STX2: variants seen among roughly 807,000 people sequenced by gnomAD.
STX2 encodes the protein syntaxin-2.
In STX2, 27 loss-of-function variants were observed where a neutral mutation model predicts 40.6. The observed-to-expected ratio is 0.66, with a 90% CI of 0.49 to 0.92. The LOEUF (loss-of-function observed/expected upper bound fraction) is 0.92. STX2 is among the 40% of genes least tolerant of loss of function. The pLI is 0.00. For synonymous variants in STX2, 123 were observed against 119.1 expected (o/e 1.03, Z -0.22); for missense variants, 328 against 366.1 (o/e 0.90, Z 0.85).
At chr12:130,818,218 A>ATATATATATATATAT (rs1565924788) in intron 3 of STX2, among the ~76,000 whole-genome samples, 45 of 126,804 alleles carry the variant, frequency 3.5e-4, no homozygotes, top group African/African-American at 5.6e-4. Context: ...ATATATATAT[A>ATATATATATATATAT]AAATTATCTG....
At chr12:130,827,330 G>T in intron 1 of STX2, 63 bp from the exon 2 acceptor site, 1 of 1,343,922 alleles carries the variant, frequency 7.4e-7, no homozygotes, top group Non-Finnish European at 1.1e-6. Context: ...ATAGCGAACT[G>T]AAATACAAAA....
At position 130,801,450 on chromosome 12, in the gene STX2, G is replaced by A. The variant is rs781562045; in HGVS notation, c.502C>T (p.Leu168=). 2 of 1,611,206 alleles carry A rather than the reference G, an allele frequency of 1.2e-6. No individual in the cohort carries two copies. The highest frequency in any genetic ancestry group is 1.1e-5 in the South Asian group (1 of 90,550). Residue 168 remains leucine (L), a synonymous_variant, in exon 7 of 11, where the codon CTG becomes TTG. Transcript: ENST00000392373. The part of the protein sequence containing the change: ...TTTDDELEEM[L]ESGKPSIFTS... ...AAGATGGATGGCTTCCCGCTCTCCA[G>A]CATCTCTTCTAGCTCGTCGTCTGTG...
At chr12:130,825,376 G>A (rs1026403208) in intron 2 of STX2, among the ~76,000 whole-genome samples, 6 of 152,178 alleles carry the variant, frequency 3.9e-5, no homozygotes, top group African/African-American at 1.4e-4. Context: ...ACACTTAATG[G>A]CAGGAGATTC....
intron 3 of STX2, among the ~76,000 whole-genome samples, chr12:130,818,185 A>AAAAAAATATATATATATATAT: frequency 5.7e-5 from 4 of 70,538 alleles, no homozygotes; most frequent in South Asian, 3.7e-4. Context: ...AAAAAAAAAA[A>AAAAAAATATATATATATATAT]ATATATATAT....
At chr12:130,821,814 G>C (rs766204345) in intron 2 of STX2, 26 bp from the exon 3 acceptor site, 1 of 1,498,440 alleles carries the variant, frequency 6.7e-7, no homozygotes, top group Admixed American at 1.7e-5. Flanking sequence ...AGTCATTACA[G>C]CATGGCAAAC....
At position 130,791,677 on chromosome 12, in the gene STX2, C is replaced by A; in HGVS notation, c.*346G>T. The stretch of plus-strand genomic sequence containing the variant: ...AGAGAAGTCTCACACTGCTCACATT[C>A]TGTAGTGTGTCATTCAGGGTCACGC... On this transcript the variant is annotated 3_prime_UTR_variant, in exon 11 of 11. Transcript: ENST00000392373. 1 of 475,336 alleles carries A rather than the reference C, an allele frequency of 2.1e-6. No homozygotes were observed. The highest frequency in any genetic ancestry group is 3.7e-6 in the Non-Finnish European group (1 of 269,932). The allele number at this position is 475,336 out of a possible 1,614,324, so 29.4% of individuals were successfully genotyped here. A position where few individuals can be genotyped will look rare whatever the true frequency, so the allele number is the denominator to read the frequency against.
At chr12:130,828,391 C>CTTTTTTTTTT (rs35993256) in intron 1 of STX2, among the ~76,000 whole-genome samples, 34 of 106,526 alleles carry the variant, frequency 3.2e-4, no homozygotes, top group African/African-American at 1.0e-3. Flanking sequence ...CCACACCCGG[C>CTTTTTTTTTT]TTTTTTTTTT....
intron 6 of STX2, among the ~76,000 whole-genome samples, chr12:130,805,663 C>T (rs1951404756): frequency 6.6e-6 from 1 of 152,150 alleles, no homozygotes. Context: ...GACAGGCCCT[C>T]AAATAAAGCT....
In STX2 at chr12:130,798,624, G is replaced by C; in HGVS notation, c.687C>G (p.Ile229Met). Residue 229 changes from isoleucine (I) to methionine (M), a missense_variant, in exon 9 of 11, where the codon ATC (isoleucine) becomes ATG (methionine). Physicochemically the swap from Ile to Met is conservative, Grantham distance 10. Coordinates refer to ENST00000392373, the MANE Select transcript of STX2 (RefSeq NM_194356.4). ...TCATAACATTTCTTTCTATGTTGTT[G>C]ATCATTTCACCCTTAAAACAAAAAG... ...AMFVETQGEM[I>M]NNIERNVMNA... 1 of 1,590,616 alleles carries C rather than the reference G, an allele frequency of 6.3e-7. No homozygotes were observed. The highest frequency in any genetic ancestry group is 8.5e-7 in the Non-Finnish European group (1 of 1,172,212).
In STX2 at chr12:130,820,768, C is replaced by T. The variant is rs77953050; in HGVS notation, c.205+921G>A. ...GAATAAATACAACGAAAGATGTGCG[C>T]GACCCTCCTCGGAACCCACAGCACC... On this transcript the variant is annotated intron_variant, in intron 3 of 10. Transcript: ENST00000392373. Among the ~76,000 whole-genome samples, 73 of 152,218 alleles carry T rather than the reference C, an allele frequency of 4.8e-4. 1 individual carries two copies. The East Asian group carries it at 0.013, about 27-fold the overall frequency.
At chr12:130,808,286 C>G (rs745698970) in intron 5 of STX2, among the ~76,000 whole-genome samples, 23 of 152,118 alleles carry the variant, frequency 1.5e-4, no homozygotes, top group Non-Finnish European at 3.2e-4. Flanking sequence ...GTGGCCACCC[C>G]GCTGCCTACC....
chr12:130,809,243 G>GAT (rs371107386), intron 4 of STX2, among the ~76,000 whole-genome samples: 1 of 151,530 alleles, frequency 6.6e-6, no homozygotes, highest in South Asian at 2.1e-4. Flanking sequence ...GATACACACA[G>GAT]ATATATATAC....
rs1302417800 is a variant in STX2, at chr12:130,801,407, C to T, written c.537+8G>A. ...GACATGGAGCCACAGGGCCGCACCC[C>T]CACTCACGTCGGAAGTGAAGATGGA... On this transcript the variant is annotated splice_region_variant and intron_variant, in intron 7 of 10. Coordinates refer to ENST00000392373, the MANE Select transcript of STX2 (RefSeq NM_194356.4). The T allele has an allele frequency of 6.2e-6, 10 of 1,606,572 alleles. No homozygotes were observed. The highest frequency in any genetic ancestry group is 6.8e-6 in the Non-Finnish European group (8 of 1,175,676).
intron 3 of STX2, among the ~76,000 whole-genome samples, chr12:130,813,791 AGAAG>A: frequency 1.0e-5 from 1 of 97,946 alleles, no homozygotes; most frequent in Non-Finnish European, 2.6e-5. Context: ...TGAAGTGACC[AGAAG>A]GGAAGGGGGT....
chr12:130,798,757 T>G (rs566641768), intron 8 of STX2, 122 bp from the exon 9 acceptor site: 1 of 589,308 alleles, frequency 1.7e-6, no homozygotes, highest in East Asian at 3.2e-5. Context: ...ATACTGAGGG[T>G]TTTTTTCACA....
intron 5 of STX2, among the ~76,000 whole-genome samples, chr12:130,807,645 C>A (rs985394103): frequency 6.6e-6 from 1 of 152,330 alleles, no homozygotes; most frequent in South Asian, 2.1e-4. Flanking sequence ...CTGGGCAGTA[C>A]CACAAACCAC....
chr12:130,830,467 G>A (rs570223220), intron 1 of STX2, among the ~76,000 whole-genome samples: 4 of 152,298 alleles, frequency 2.6e-5, no homozygotes, highest in African/African-American at 9.6e-5. Context: ...CACGGCACGG[G>A]CGGATTTTTG....
At position 130,801,466 on chromosome 12, in the gene STX2, G is replaced by A. The variant is rs201520117; in HGVS notation, c.486C>T (p.Asp162=). The A allele has an allele frequency of 4.4e-6, 7 of 1,606,758 alleles. No homozygotes were observed. The highest frequency in any genetic ancestry group is 3.3e-5 in the South Asian group (3 of 89,832). The change falls in exon 7 of 11, where the codon GAC becomes GAT. Residue 162 remains aspartate (D), a synonymous_variant. Transcript: ENST00000392373. ...CGCTCTCCAGCATCTCTTCTAGCTC[G>A]TCGTCTGTGGTGGTTCTCCCAGCTG... ...LEITGRTTTD[D]ELEEMLESGK...
chr12:130,815,262 G>A (rs1951816698), intron 3 of STX2, among the ~76,000 whole-genome samples: 2 of 152,080 alleles, frequency 1.3e-5, no homozygotes, highest in Admixed American at 6.5e-5. Context: ...GGTATTTCCA[G>A]TCATCATAAA....
Sources: allele counts gnomAD v4.1 joint callset (sites outside exome capture counted in the v4.1 genomes callset), GRCh38; gene constraint gnomAD v4.1.1; transcripts MANE v1.5; gene names NCBI Gene and HGNC (gene_info 2026-07-23, HGNC 2026-07-21).